The following ELP1 variants were observed in gnomAD, a reference collection of about 807,000 sequenced individuals.
ELP1 encodes the protein elongator complex protein 1.
Under a neutral mutation model 183.2 loss-of-function variants are expected in ELP1, and 131 were observed. The ratio of observed to expected loss-of-function variants is 0.72; its 90% confidence interval spans 0.62 to 0.83. ELP1 has a LOEUF of 0.83. Ranked by LOEUF, ELP1 falls within the 40% of genes least tolerant of loss-of-function variation. ELP1 has a pLI of 0.00. For synonymous variants in ELP1, 555 were observed against 569.0 expected (o/e 0.98, Z 0.35); for missense variants, 1,550 against 1,594.9 (o/e 0.97, Z 0.48).
At chr9:108,923,994 A>G (rs1313274830) in intron 5 of ELP1, among the ~76,000 whole-genome samples, 1 of 152,216 alleles carries the variant, frequency 6.6e-6, no homozygotes, top group Non-Finnish European at 1.5e-5. Flanking sequence ...GTCTGCTCAC[A>G]TCCAAGTGCT....
At chr9:108,888,416 G>A (rs58729284) in intron 29 of ELP1, among the ~76,000 whole-genome samples, 1,633 of 152,166 alleles carry the variant, frequency 0.011, 32 homozygotes, top group African/African-American at 0.038. Flanking sequence ...TTATACAACT[G>A]TACAACACAT....
rs758544437 is a variant in ELP1, at chr9:108,898,586, C to CA, written c.2284-6dup. On this transcript the variant is annotated splice_polypyrimidine_tract_variant and splice_region_variant and intron_variant, in intron 21 of 36. Coordinates refer to ENST00000374647, the MANE Select transcript of ELP1 (RefSeq NM_003640.5). ...TTCCACATTTCCAAGAAACACCTAC[C>CA]AAAAAAAGGACAAAACATCTTCGTT... 2.5e-6 allele frequency: 4 copies of CA among 1,606,672 alleles called. No individual in the cohort carries two copies. The highest frequency in any genetic ancestry group is 1.1e-5 in the South Asian group (1 of 90,888).
rs1188204761 is a variant in ELP1, at chr9:108,911,158, G to C, written c.1212C>G (p.Phe404Leu). The C allele has an allele frequency of 6.2e-7, 1 of 1,614,162 alleles. No individual in the cohort carries two copies. The highest frequency in any genetic ancestry group is 8.5e-7 in the Non-Finnish European group (1 of 1,180,022). Residue 404 changes from phenylalanine to leucine, a missense_variant, in exon 12 of 37, where the codon TTC (phenylalanine) becomes TTG (leucine). Phe to Leu is a conservative substitution (Grantham distance 22, BLOSUM62 0). Coordinates refer to ENST00000374647, the MANE Select transcript of ELP1 (RefSeq NM_003640.5). ...IDGNRVLVTV[F>L]RQTVVPPPMC... The stretch of plus-strand genomic sequence containing the variant: ...TGGGAGGCGGAACCACAGTCTGCCG[G>C]AAGACTGTCACCAACACCCTGTCTG...
At position 108,909,902 on chromosome 9, in the gene ELP1, C is replaced by T. The variant is rs540419076; in HGVS notation, c.1360+1108G>A. Among the ~76,000 whole-genome samples the T allele has an allele frequency of 2.0e-5, 3 of 152,096 alleles. No homozygotes were observed. The South Asian group carries it at 6.2e-4, about 32-fold the overall frequency. On this transcript the variant is annotated intron_variant, in intron 12 of 36. Coordinates refer to ENST00000374647, the MANE Select transcript of ELP1 (RefSeq NM_003640.5). The stretch of plus-strand genomic sequence containing the variant: ...GAGATAAAAACGTCCTAAAATTGAT[C>T]GTGGTGATGGCTGTACAACTCTGTG...
intron 35 of ELP1, among the ~76,000 whole-genome samples, chr9:108,875,435 C>A (rs534949945): frequency 1.3e-5 from 2 of 152,154 alleles, no homozygotes; most frequent in Non-Finnish European, 2.9e-5. Context: ...CACAAGACTC[C>A]GCAGGAATTT....
Position 108,912,514 on chromosome 9 carries a change from G to A in ELP1, c.959-20C>T, listed in dbSNP as rs748693811. 6.3e-7 allele frequency: 1 copy of A among 1,576,016 alleles called. No homozygotes were observed. The highest frequency in any genetic ancestry group is 1.1e-5 in the South Asian group (1 of 90,090). ...GCTGAACTGCAAGGGAAAATGAAAA[G>A]AAGGCCGTTAGAGGCTGGGAAGCAG... On this transcript the variant is annotated intron_variant, in intron 10 of 36. Coordinates refer to ENST00000374647, the MANE Select transcript of ELP1 (RefSeq NM_003640.5).
At chr9:108,926,700 T>C in intron 4 of ELP1, 97 bp from the exon 5 acceptor site, 1 of 852,680 alleles carries the variant, frequency 1.2e-6, no homozygotes, top group Non-Finnish European at 1.9e-6. Flanking sequence ...CTGGAGTTAG[T>C]CTGAACAGAG....
rs140956341 is a variant in ELP1, at chr9:108,927,476, GA to G, written c.304-24del. 8.7e-4 allele frequency: 1,387 copies of G among 1,587,276 alleles called. 1 individual carries two copies. The highest frequency in any genetic ancestry group is 1.1e-3 in the Non-Finnish European group (1,307 of 1,155,870). On this transcript the variant is annotated intron_variant, in intron 3 of 36. Transcript: ENST00000374647. ...CAGCTGAGACAGAGAAAATTGAAAA[GA>G]GAGATTCAAACACTAGCATCTCAGT...
Position 108,897,154 on chromosome 9 carries a change from G to A in ELP1, c.2495C>T (p.Pro832Leu), listed in dbSNP as rs1307998361. 12 of 1,614,034 alleles carry A rather than the reference G, an allele frequency of 7.4e-6. No individual in the cohort carries two copies. Among genetic ancestry groups the A allele is most frequent in the Non-Finnish European group, 9.3e-6 (11 of 1,180,038 alleles). Residue 832 changes from proline (P) to leucine (L), a missense_variant, in exon 23 of 37, where the codon CCT becomes CTT. Physicochemically the swap from Pro to Leu is moderately conservative, Grantham distance 98. Coordinates refer to ENST00000374647, the MANE Select transcript of ELP1 (RefSeq NM_003640.5). ...AMRAVMESIN[P>L]HKYCLSILTS... Reference sequence around the variant, plus strand: ...CTGGTGACAGCATACATACTTATGAGGATTTATGCTCTCCATGACTGCTCT... The same window carrying A: ...CTGGTGACAGCATACATACTTATGAAGATTTATGCTCTCCATGACTGCTCT...
At position 108,912,578 on chromosome 9, in the gene ELP1, T is replaced by C. The variant is rs374541970; in HGVS notation, c.959-84A>G. ...TGCCAGAGGGGTTCAAGGGCAATCT[T>C]TTCTTTTTCAAAGGACCCTTCCTGC... On this transcript the variant is annotated intron_variant, in intron 10 of 36. Transcript: ENST00000374647. The C allele has an allele frequency of 5.2e-6, 5 of 964,886 alleles. No homozygotes were observed. The East Asian group carries it at 1.2e-4, about 23-fold the overall frequency. 59.8% of individuals were successfully genotyped at this position (964,886 alleles called of 1,614,324 possible). A position where few individuals can be genotyped will look rare whatever the true frequency, so the allele number is the denominator to read the frequency against.
chr9:108,924,667 T>C (rs556901088), intron 5 of ELP1, among the ~76,000 whole-genome samples: 12 of 152,150 alleles, frequency 7.9e-5, no homozygotes, highest in Non-Finnish European at 1.3e-4. Context: ...CTGTCAGAAT[T>C]TCCTACATAC....
At chr9:108,918,080 TCAC>T (rs1233857897) in intron 8 of ELP1, among the ~76,000 whole-genome samples, 2 of 152,238 alleles carry the variant, frequency 1.3e-5, no homozygotes, top group African/African-American at 4.8e-5. Context: ...TTTTAAGACT[TCAC>T]CAAATGTTGA....
At chr9:108,911,235 T>C in intron 11 of ELP1, 55 bp from the exon 12 acceptor site, 2 of 1,529,120 alleles carry the variant, frequency 1.3e-6, no homozygotes, top group Non-Finnish European at 1.8e-6. Context: ...ATTTGTAAGA[T>C]AAGCCATCTG....
intron 22 of ELP1, 94 bp from the exon 23 acceptor site, chr9:108,897,379 T>C: frequency 7.5e-7 from 1 of 1,331,518 alleles, no homozygotes; most frequent in Non-Finnish European, 1.1e-6. Context: ...TGATGATAAA[T>C]AAAAATGACT....
At chr9:108,920,802 A>G (rs1025672191) in intron 6 of ELP1, among the ~76,000 whole-genome samples, 2 of 152,178 alleles carry the variant, frequency 1.3e-5, no homozygotes, top group African/African-American at 4.8e-5. Flanking sequence ...AAAGTTCATG[A>G]AAAAAAGCTA....
chr9:108,892,286 G>C (rs1228252221), intron 27 of ELP1, among the ~76,000 whole-genome samples: 2 of 152,130 alleles, frequency 1.3e-5, no homozygotes, highest in African/African-American at 4.8e-5. Flanking sequence ...AAATGACAGA[G>C]GAATCACACG....
chr9:108,916,103 C>T, intron 10 of ELP1, 101 bp downstream of exon 10: 1 of 910,742 alleles, frequency 1.1e-6, no homozygotes, highest in South Asian at 1.3e-5. Flanking sequence ...ATCTTTGATT[C>T]TACTAAGGGA....
In ELP1 at chr9:108,900,286, G is replaced by C. The variant is rs749844611; in HGVS notation, c.2104C>G (p.Pro702Ala). 1.2e-6 allele frequency: 2 copies of C among 1,613,726 alleles called. No individual in the cohort carries two copies. The highest frequency in any genetic ancestry group is 8.5e-7 in the Non-Finnish European group (1 of 1,179,634). Residue 702 changes from proline (P) to alanine (A), a missense_variant, in exon 19 of 37, where the codon CCC becomes GCC. Pro to Ala is a conservative substitution (Grantham distance 27, BLOSUM62 -1). Coordinates refer to ENST00000374647, the MANE Select transcript of ELP1 (RefSeq NM_003640.5). ...ERGSRIVTVV[P>A]QDTKLVLQMP... The stretch of plus-strand genomic sequence containing the variant: ...TGTAATACAAGCTTTGTGTCCTGGG[G>C]CACAACAGTGACAATCCGTGAACCC...
Position 108,882,188 on chromosome 9 carries a change from C to T in ELP1, c.3223-1G>A. The T allele has an allele frequency of 6.2e-7, 1 of 1,612,714 alleles. No homozygotes were observed. Among genetic ancestry groups the T allele is most frequent in the Non-Finnish European group, 8.5e-7 (1 of 1,179,660 alleles). The stretch of plus-strand genomic sequence containing the variant: ...GCAAGAGCACAGCTTCTTCATAATC[C>T]TGACAAGGGAACAGGAAGAAGACAA... On this transcript the variant is annotated splice_acceptor_variant, in intron 29 of 36. Coordinates refer to ENST00000374647, the MANE Select transcript of ELP1 (RefSeq NM_003640.5). LOFTEE classifies it high-confidence loss of function.
Sources: allele counts gnomAD v4.1 joint callset (sites outside exome capture counted in the v4.1 genomes callset), GRCh38; gene constraint gnomAD v4.1.1; transcripts MANE v1.5; gene names NCBI Gene and HGNC (gene_info 2026-07-23, HGNC 2026-07-21).